GALNT13: variants seen among roughly 807,000 people sequenced by gnomAD.
GALNT13 encodes UDP-GalNAc:polypeptide N-acetylgalactosaminyltransferase 13.
In GALNT13, 28 loss-of-function variants were observed where a neutral mutation model predicts 64.2. The observed-to-expected ratio is 0.44, with a 90% CI of 0.32 to 0.60. The LOEUF (loss-of-function observed/expected upper bound fraction) is 0.60. Ranked by LOEUF, GALNT13 falls within the 20% of genes least tolerant of loss-of-function variation. The pLI is 0.05. For synonymous variants in GALNT13, 214 were observed against 224.6 expected (o/e 0.95, Z 0.42); for missense variants, 577 against 669.8 (o/e 0.86, Z 1.53).
At chr2:153,818,631 A>G in the GALNT13 span, among the ~76,000 whole-genome samples, 1 of 152,200 alleles carries the variant, frequency 6.6e-6, no homozygotes, top group Admixed American at 6.5e-5. Flanking sequence ...CAAAACTCCA[A>G]GATAACAGGC....
chr2:154,313,881 G>C (rs184426379), intron 9 of GALNT13, among the ~76,000 whole-genome samples: 1 of 148,762 alleles, frequency 6.7e-6, no homozygotes, highest in Admixed American at 6.7e-5. Context: ...ATTTTTTTTT[G>C]TATATGCAAC....
At chr2:153,544,208 A>G in the GALNT13 span, among the ~76,000 whole-genome samples, 1 of 152,268 alleles carries the variant, frequency 6.6e-6, no homozygotes, top group Non-Finnish European at 1.5e-5. Context: ...GATTTAAGAA[A>G]TAAACACTGA....
the GALNT13 span, among the ~76,000 whole-genome samples, chr2:153,319,063 T>C: frequency 2.0e-5 from 3 of 152,168 alleles, no homozygotes; most frequent in Admixed American, 2.0e-4. Context: ...ACATAAAAGG[T>C]AAATATCACA....
Position 154,340,974 on chromosome 2 carries a change from A to G in GALNT13, c.1156+39385A>G, listed in dbSNP as rs557337630. Among the ~76,000 whole-genome samples the G allele has an allele frequency of 5.9e-5, 9 of 152,108 alleles. No homozygotes were observed. In the South Asian group the frequency reaches 1.9e-3, roughly 32 times the overall value. ...GTGTGTAGTATGTGCATGTATGTGT[A>G]CATTTATGCATATATTCATATATAA... On this transcript the variant is annotated intron_variant, in intron 9 of 12. Transcript: ENST00000392825.
At chr2:154,152,734 A>T (rs6435059) in intron 4 of GALNT13, among the ~76,000 whole-genome samples, 14 of 152,166 alleles carry the variant, frequency 9.2e-5, no homozygotes, top group African/African-American at 2.7e-4. Flanking sequence ...GGCTCCTGAC[A>T]CTTCTGCATT....
At chr2:153,874,728 T>C (rs1318708721) in intron 1 of GALNT13, among the ~76,000 whole-genome samples, 1 of 152,160 alleles carries the variant, frequency 6.6e-6, no homozygotes, top group East Asian at 1.9e-4. Flanking sequence ...ATTTAGATTT[T>C]TTATGAATGG....
intron 3 of GALNT13, among the ~76,000 whole-genome samples, chr2:154,089,230 C>G (rs1260455713): frequency 1.3e-5 from 2 of 152,036 alleles, no homozygotes; most frequent in African/African-American, 4.8e-5. Context: ...TCCTGTGTCT[C>G]CCTGCTCTGT....
At chr2:153,149,137 G>A in the GALNT13 span, among the ~76,000 whole-genome samples, 2 of 151,830 alleles carry the variant, frequency 1.3e-5, no homozygotes, top group Admixed American at 1.3e-4. Context: ...TTTATAATAA[G>A]TTAGTGTATG....
At chr2:154,102,689 T>C (rs749694060) in intron 3 of GALNT13, among the ~76,000 whole-genome samples, 1 of 152,042 alleles carries the variant, frequency 6.6e-6, no homozygotes, top group African/African-American at 2.4e-5. Context: ...TAAAAAAGAC[T>C]AAATATTGAT....
At chr2:153,677,232 A>G in the GALNT13 span, among the ~76,000 whole-genome samples, 1 of 151,686 alleles carries the variant, frequency 6.6e-6, no homozygotes, top group Admixed American at 6.6e-5. Flanking sequence ...ACATACGAAT[A>G]ACATTTGAGC....
the GALNT13 span, among the ~76,000 whole-genome samples, chr2:153,314,859 A>C: frequency 6.6e-6 from 1 of 152,016 alleles, no homozygotes; most frequent in East Asian, 1.9e-4. Flanking sequence ...CACCTTAAGA[A>C]ACCTGAAAAA....
the GALNT13 span, among the ~76,000 whole-genome samples, chr2:153,808,439 T>A: frequency 6.6e-6 from 1 of 152,156 alleles, no homozygotes; most frequent in Non-Finnish European, 1.5e-5. Context: ...AGTACCTGCT[T>A]GCAGACTAGA....
At chr2:154,220,827 T>C (rs925672334) in intron 4 of GALNT13, among the ~76,000 whole-genome samples, 2 of 152,054 alleles carry the variant, frequency 1.3e-5, no homozygotes, top group Non-Finnish European at 2.9e-5. Flanking sequence ...TAATGAAAGA[T>C]TGCAGAAGTT....
chr2:153,240,211 T>C, the GALNT13 span, among the ~76,000 whole-genome samples: 1 of 152,228 alleles, frequency 6.6e-6, no homozygotes, highest in Non-Finnish European at 1.5e-5. Flanking sequence ...CTCTCTTTTT[T>C]TCTTAGTTCT....
At chr2:154,215,589 T>G (rs920129091) in intron 4 of GALNT13, among the ~76,000 whole-genome samples, 1 of 152,188 alleles carries the variant, frequency 6.6e-6, no homozygotes, top group African/African-American at 2.4e-5. Flanking sequence ...TTGCTCTCCT[T>G]TACTCATCAG....
Position 154,259,016 on chromosome 2 carries a change from A to G in GALNT13, c.858-5A>G, listed in dbSNP as rs1402327279. 4.0e-6 allele frequency: 6 copies of G among 1,491,224 alleles called. No individual in the cohort carries two copies. Among genetic ancestry groups the G allele is most frequent in the Admixed American group, 1.7e-5 (1 of 59,124 alleles). 92.4% of individuals were successfully genotyped at this position (1,491,224 alleles called of 1,614,324 possible). On this transcript the variant is annotated splice_polypyrimidine_tract_variant and splice_region_variant and intron_variant, in intron 7 of 12. Transcript: ENST00000392825. Reference sequence around the variant, plus strand: ...ATTCTTTTCTTTTTGTTTTTTTTCAACTAGGACCCCTACTATGGCTGGTGG... The same window carrying G: ...ATTCTTTTCTTTTTGTTTTTTTTCAGCTAGGACCCCTACTATGGCTGGTGG...
At position 154,451,508 on chromosome 2, in the gene GALNT13, G is replaced by A. The variant is rs919259357; in HGVS notation, c.*957G>A. 1 of 152,044 alleles carries A rather than the reference G, an allele frequency of 6.6e-6. No homozygotes were observed. Among genetic ancestry groups the A allele is most frequent in the African/African-American group, 2.4e-5 (1 of 41,410 alleles). The allele number at this position is 152,044 out of a possible 1,614,324, so 9.4% of individuals were successfully genotyped here. On this transcript the variant is annotated 3_prime_UTR_variant, in exon 13 of 13. Transcript: ENST00000392825. ...TAAAGATTTTAGTTAGGTTACCACT[G>A]TCATTTTCATTTTCTATGTTAAAGA...
intron 9 of GALNT13, among the ~76,000 whole-genome samples, chr2:154,359,475 C>A (rs991586561): frequency 2.6e-5 from 4 of 152,062 alleles, no homozygotes; most frequent in African/African-American, 7.2e-5. Flanking sequence ...CATTCACCTA[C>A]TGGAGGCTTC....
chr2:153,692,703 G>T, the GALNT13 span, among the ~76,000 whole-genome samples: 1 of 152,186 alleles, frequency 6.6e-6, no homozygotes, highest in South Asian at 2.1e-4. Context: ...CTTACCTCTG[G>T]TTCTTTGTTT....
Sources: allele counts gnomAD v4.1 joint callset (sites outside exome capture counted in the v4.1 genomes callset), GRCh38; gene constraint gnomAD v4.1.1; transcripts MANE v1.5; gene names NCBI Gene and HGNC (gene_info 2026-07-23, HGNC 2026-07-21).